The following PPP1R12A variants were observed in gnomAD, a reference collection of about 807,000 sequenced individuals.
The protein encoded by PPP1R12A is protein phosphatase 1 regulatory subunit 12A, also known as myosin binding subunit.
In PPP1R12A, 19 loss-of-function variants were observed where a neutral mutation model predicts 139.6. That is an observed-to-expected ratio of 0.14 (90% CI 0.09 to 0.20). The LOEUF (loss-of-function observed/expected upper bound fraction) is 0.20, where lower values mean the gene tolerates loss of function less well. Among genes scored for constraint, PPP1R12A ranks in the 10% least tolerant of loss-of-function variants. The pLI, the probability that PPP1R12A is intolerant of heterozygous loss-of-function variation, is 1.00. For synonymous variants in PPP1R12A, 427 were observed against 420.6 expected, an observed-to-expected ratio of 1.02 and a Z score of -0.19; for missense variants, 925 against 1,211.5, an observed-to-expected ratio of 0.76 and a Z score of 3.51.
chr12:79,853,797 A>G (rs186396340), intron 2 of PPP1R12A, among the ~76,000 whole-genome samples: 29 of 152,384 alleles, frequency 1.9e-4, no homozygotes, highest in African/African-American at 7.0e-4. Flanking sequence ...TCTCAGAGGC[A>G]AAAGTACTAC....
At chr12:79,876,781 G>A (rs1295315352) in intron 1 of PPP1R12A, among the ~76,000 whole-genome samples, 1 of 152,150 alleles carries the variant, frequency 6.6e-6, no homozygotes, top group Non-Finnish European at 1.5e-5. Context: ...GGAGGCTGAG[G>A]CAGGTGGATC....
intron 2 of PPP1R12A, among the ~76,000 whole-genome samples, chr12:79,866,548 G>A (rs1030872578): frequency 3.3e-5 from 5 of 152,094 alleles, no homozygotes; most frequent in African/African-American, 7.2e-5. Flanking sequence ...CTACAGAATC[G>A]GAGAAAATTT....
chr12:79,873,528 C>A (rs1882787678), intron 1 of PPP1R12A, among the ~76,000 whole-genome samples: 1 of 148,500 alleles, frequency 6.7e-6, no homozygotes, highest in South Asian at 2.1e-4. Context: ...TTGCTAAGCA[C>A]AGTGGCTCAT....
At chr12:79,870,258 G>A (rs906187805) in intron 2 of PPP1R12A, among the ~76,000 whole-genome samples, 2 of 152,000 alleles carry the variant, frequency 1.3e-5, no homozygotes, top group African/African-American at 4.8e-5. Flanking sequence ...GAGTAGCTGG[G>A]ACACATCATT....
chr12:79,779,810 A>C, intron 23 of PPP1R12A: 4 of 163,792 alleles, frequency 2.4e-5, no homozygotes, highest in Admixed American at 5.8e-5. Context: ...AAAGTAAGAC[A>C]AGAAAACTAC....
chr12:79,838,354 T>C (rs1019161197), intron 3 of PPP1R12A, among the ~76,000 whole-genome samples: 8 of 152,088 alleles, frequency 5.3e-5, no homozygotes, highest in African/African-American at 1.4e-4. Context: ...GTATGAAAAA[T>C]TTGCAGCCTG....
At chr12:79,776,713 CTGT>C (rs1172127140) in intron 24 of PPP1R12A, among the ~76,000 whole-genome samples, 2 of 152,114 alleles carry the variant, frequency 1.3e-5, no homozygotes, top group Admixed American at 1.3e-4. Flanking sequence ...TCTCAATTTT[CTGT>C]TGTTTTACAG....
chr12:79,882,669 A>G (rs529859022), intron 1 of PPP1R12A, among the ~76,000 whole-genome samples: 2 of 152,328 alleles, frequency 1.3e-5, no homozygotes, highest in Admixed American at 1.3e-4. Context: ...CAATTCTGAA[A>G]GAAGTTCTAC....
At chr12:79,835,984 C>T (rs1205490485) in intron 3 of PPP1R12A, among the ~76,000 whole-genome samples, 1 of 152,056 alleles carries the variant, frequency 6.6e-6, no homozygotes, top group African/African-American at 2.4e-5. Context: ...AAAAAGCAGA[C>T]AATAATTCAG....
chr12:79,905,063 T>C (rs1885978035), intron 1 of PPP1R12A, among the ~76,000 whole-genome samples: 1 of 152,226 alleles, frequency 6.6e-6, no homozygotes, highest in African/African-American at 2.4e-5. Flanking sequence ...TAATCTTTCT[T>C]CCAGCTGCTA....
intron 3 of PPP1R12A, among the ~76,000 whole-genome samples, chr12:79,843,645 T>C (rs1235709154): frequency 1.4e-5 from 2 of 147,752 alleles, no homozygotes; most frequent in East Asian, 1.9e-4. Flanking sequence ...GATATAGATA[T>C]AGATATAGAT....
chr12:79,822,099 T>C lies in PPP1R12A; in HGVS notation c.867+17A>G. On this transcript the variant is annotated intron_variant, in intron 6 of 24. Transcript: ENST00000450142. ...TTAAGGTAAGTAATATAGGCAATTATTAGTCATCAAACATACCAGATTTTG... is the reference window on the plus strand; with the variant it reads ...TTAAGGTAAGTAATATAGGCAATTACTAGTCATCAAACATACCAGATTTTG... 2.7e-6 allele frequency: 4 copies of C among 1,457,240 alleles called. No homozygotes were observed. The highest frequency in any genetic ancestry group is 3.8e-6 in the Non-Finnish European group (4 of 1,056,146). The allele number at this position is 1,457,240 out of a possible 1,614,324, so 90.3% of individuals were successfully genotyped here. A position where few individuals can be genotyped will look rare whatever the true frequency, so the allele number is the denominator to read the frequency against.
Position 79,911,011 on chromosome 12 carries a change from A to C in PPP1R12A, c.237+23684T>G, listed in dbSNP as rs189962216. On this transcript the variant is annotated intron_variant, in intron 1 of 24. Coordinates refer to ENST00000450142, the MANE Select transcript of PPP1R12A (RefSeq NM_002480.3). ...ATCAAACAAAATCAGAGAGAATGGA[A>C]GGGATATTTTTATCTCTACGGTGAA... 2.8e-4 allele frequency among the ~76,000 whole-genome samples: 42 copies of C among 152,314 alleles called. No individual in the cohort carries two copies. The East Asian group carries it at 7.7e-3, about 28-fold the overall frequency.
chr12:79,933,584 T>C (rs1271174466), intron 1 of PPP1R12A, among the ~76,000 whole-genome samples: 2 of 152,260 alleles, frequency 1.3e-5, no homozygotes, highest in African/African-American at 2.4e-5. Context: ...CATTTTCTAT[T>C]ACAGTTATTC....
chr12:79,827,186 A>G (rs889632537), intron 5 of PPP1R12A, among the ~76,000 whole-genome samples: 1 of 152,228 alleles, frequency 6.6e-6, no homozygotes, highest in Non-Finnish European at 1.5e-5. Flanking sequence ...AGTTTTAACT[A>G]AAAATTCAAC....
chr12:79,812,459 G>A (rs1030139502), intron 9 of PPP1R12A, among the ~76,000 whole-genome samples: 2 of 151,252 alleles, frequency 1.3e-5, no homozygotes, highest in African/African-American at 4.9e-5. Context: ...TTGTGTGTGT[G>A]TGTGTGTACA....
upstream of PPP1R12A, chr12:79,935,171 T>A: frequency 4.5e-6 from 6 of 1,335,304 alleles, no homozygotes; most frequent in Non-Finnish European, 5.7e-6. Context: ...CGGCCACCCG[T>A]CACCGGCGGC....
intron 14 of PPP1R12A, among the ~76,000 whole-genome samples, chr12:79,801,914 TTA>T: frequency 6.7e-6 from 1 of 150,210 alleles, no homozygotes; most frequent in Non-Finnish European, 1.5e-5. Context: ...TCCAACATAC[TTA>T]TATTAAGATG....
In PPP1R12A at chr12:79,796,931, G is replaced by T; in HGVS notation, c.2312C>A (p.Pro771Gln). The T allele has an allele frequency of 6.2e-7, 1 of 1,610,884 alleles. No individual in the cohort carries two copies. Among genetic ancestry groups the T allele is most frequent in the Non-Finnish European group, 8.5e-7 (1 of 1,178,780 alleles). The stretch of plus-strand genomic sequence containing the variant: ...AGTGGTTGAACTTGAAGTTGATACT[G>T]GCCTATAACGCTGGTAAGTCTGTGA... ...TYDETYQRYR[P>Q]VSTSSSTTPS... The change falls in exon 17 of 25, where the codon CCA becomes CAA. Residue 771 changes from proline to glutamine, a missense_variant. Pro to Gln is a moderately conservative substitution (Grantham distance 76, BLOSUM62 -1). Coordinates refer to ENST00000450142, the MANE Select transcript of PPP1R12A (RefSeq NM_002480.3).
Sources: allele counts gnomAD v4.1 joint callset (sites outside exome capture counted in the v4.1 genomes callset), GRCh38; gene constraint gnomAD v4.1.1; transcripts MANE v1.5; gene names NCBI Gene and HGNC (gene_info 2026-07-23, HGNC 2026-07-21).